The following CHRM3 variants were observed in gnomAD, a reference collection of about 807,000 sequenced individuals.
CHRM3 encodes the protein cholinergic receptor muscarinic 3.
In CHRM3, 11 loss-of-function variants were observed where a neutral mutation model predicts 41.8. The ratio of observed to expected loss-of-function variants is 0.26; its 90% CI spans 0.17 to 0.44. The LOEUF is 0.44. Ranked by LOEUF, CHRM3 falls within the 20% of genes least tolerant of loss-of-function variation. CHRM3 has a pLI of 1.00. For missense variants in CHRM3, 571 were observed against 745.4 expected (o/e 0.77, Z 2.72); for synonymous variants, 297 against 301.4 (o/e 0.99, Z 0.15).
At chr1:239,460,881 A>G (rs905196837) in intron 1 of CHRM3, among the ~76,000 whole-genome samples, 5 of 152,200 alleles carry the variant, frequency 3.3e-5, no homozygotes, top group African/African-American at 1.2e-4. Flanking sequence ...AGTGATTCCT[A>G]TGCTTCAGAG....
intron 5 of CHRM3, among the ~76,000 whole-genome samples, chr1:239,800,989 G>A (rs943618092): frequency 6.6e-6 from 1 of 151,986 alleles, no homozygotes; most frequent in Admixed American, 6.6e-5. Flanking sequence ...TTTCTCTTAG[G>A]GATAATTTAG....
At chr1:239,580,503 A>T (rs926174079) in intron 3 of CHRM3, among the ~76,000 whole-genome samples, 3 of 151,658 alleles carry the variant, frequency 2.0e-5, no homozygotes, top group African/African-American at 7.3e-5. Context: ...CTGGAAAGTC[A>T]CTGTTATCCT....
chr1:239,724,025 G>T (rs538480775), intron 5 of CHRM3, among the ~76,000 whole-genome samples: 1 of 151,676 alleles, frequency 6.6e-6, no homozygotes, highest in African/African-American at 2.4e-5. Context: ...ACAGCCTCTG[G>T]TATTCTCAAA....
At chr1:239,398,801 T>C (rs942334841) in intron 1 of CHRM3, among the ~76,000 whole-genome samples, 4 of 152,230 alleles carry the variant, frequency 2.6e-5, no homozygotes, top group Admixed American at 6.5e-5. Context: ...GGTTTTTCTG[T>C]ATATTACTTC....
chr1:239,660,709 C>T (rs1404306061), intron 4 of CHRM3, among the ~76,000 whole-genome samples: 9 of 152,030 alleles, frequency 5.9e-5, no homozygotes, highest in Admixed American at 5.9e-4. Flanking sequence ...ATGGCAAAAC[C>T]CAGTCTCTAC....
intron 5 of CHRM3, among the ~76,000 whole-genome samples, chr1:239,735,209 T>C (rs1339239859): frequency 6.6e-6 from 1 of 152,140 alleles, no homozygotes; most frequent in Non-Finnish European, 1.5e-5. Flanking sequence ...TAGTCCTGCA[T>C]GTGTCTTCTT....
chr1:239,622,204 C>A (rs528294629), intron 3 of CHRM3, among the ~76,000 whole-genome samples: 8 of 152,126 alleles, frequency 5.3e-5, no homozygotes, highest in Non-Finnish European at 1.0e-4. Flanking sequence ...ACTGACAATG[C>A]ATCTACTCGT....
intron 5 of CHRM3, among the ~76,000 whole-genome samples, chr1:239,776,265 G>A (rs1449198622): frequency 6.6e-6 from 1 of 152,178 alleles, no homozygotes. Context: ...TTTCTCATCT[G>A]TATATGGGGA....
At chr1:239,590,165 G>C (rs1160123584) in intron 3 of CHRM3, among the ~76,000 whole-genome samples, 2 of 152,092 alleles carry the variant, frequency 1.3e-5, no homozygotes, top group Non-Finnish European at 2.9e-5. Context: ...GGCCAGGATG[G>C]TGGATTTGCT....
intron 5 of CHRM3, among the ~76,000 whole-genome samples, chr1:239,770,857 C>T (rs1020084969): frequency 3.3e-5 from 5 of 152,116 alleles, no homozygotes; most frequent in South Asian, 2.1e-4. Flanking sequence ...GAGCCTGAAA[C>T]GAGCAGATCA....
At chr1:239,418,497 T>G (rs1411780907) in intron 1 of CHRM3, among the ~76,000 whole-genome samples, 1 of 152,218 alleles carries the variant, frequency 6.6e-6, no homozygotes, top group Non-Finnish European at 1.5e-5. Flanking sequence ...ATGCAAAGTT[T>G]CCCATTTCTT....
At chr1:239,828,834 T>A (rs1362304054) in intron 6 of CHRM3, among the ~76,000 whole-genome samples, 1 of 152,206 alleles carries the variant, frequency 6.6e-6, no homozygotes, top group Non-Finnish European at 1.5e-5. Flanking sequence ...CTCTGCCTGC[T>A]GTGCGGATAG....
intron 6 of CHRM3, among the ~76,000 whole-genome samples, chr1:239,900,193 T>C (rs1294049489): frequency 1.3e-5 from 2 of 152,188 alleles, no homozygotes; most frequent in Non-Finnish European, 2.9e-5. Flanking sequence ...AACATAGGAA[T>C]GATACCTTCT....
At chr1:239,733,956 T>G (rs565384550) in intron 5 of CHRM3, among the ~76,000 whole-genome samples, 1 of 152,248 alleles carries the variant, frequency 6.6e-6, no homozygotes, top group South Asian at 2.1e-4. Flanking sequence ...TTATTTTTAC[T>G]TAAGAATTTT....
At chr1:239,522,457 G>C (rs1669717159) in intron 2 of CHRM3, among the ~76,000 whole-genome samples, 1 of 152,184 alleles carries the variant, frequency 6.6e-6, no homozygotes, top group Non-Finnish European at 1.5e-5. Context: ...CCTTAAATGA[G>C]ACCTACTCAG....
intron 2 of CHRM3, among the ~76,000 whole-genome samples, chr1:239,494,221 G>GATGCTAGTGGGAATGTTTT: frequency 6.6e-6 from 1 of 152,114 alleles, no homozygotes; most frequent in Non-Finnish European, 1.5e-5. Flanking sequence ...AAACTGCCAT[G>GATGCTAGTGGGAATGTTTT]ATGCTAGTGG....
intron 1 of CHRM3, among the ~76,000 whole-genome samples, chr1:239,436,419 C>T (rs1012962738): frequency 6.6e-6 from 1 of 152,084 alleles, no homozygotes; most frequent in Non-Finnish European, 1.5e-5. Context: ...TCCTGCTGCT[C>T]TCACTGGACC....
At chr1:239,722,326 C>T (rs1164793063) in intron 5 of CHRM3, among the ~76,000 whole-genome samples, 1 of 151,912 alleles carries the variant, frequency 6.6e-6, no homozygotes, top group Non-Finnish European at 1.5e-5. Context: ...TCCCAGTGCC[C>T]ATTGGCCTTA....
At chr1:239,644,844 C>T (rs1384701914) in intron 4 of CHRM3, among the ~76,000 whole-genome samples, 1 of 152,178 alleles carries the variant, frequency 6.6e-6, no homozygotes, top group Non-Finnish European at 1.5e-5. Flanking sequence ...ACACAGGGCC[C>T]AGCAGGGTCC....
Sources: gnomAD v4.1 joint callset for allele counts (sites outside exome capture counted in the v4.1 genomes callset) on GRCh38, gnomAD v4.1.1 for gene constraint, MANE v1.5 for transcripts, NCBI Gene and HGNC (gene_info 2026-07-23, HGNC 2026-07-21) for gene names.